LINGO2: variants seen among roughly 807,000 people sequenced by gnomAD.
The protein encoded by LINGO2 is leucine-rich repeat and immunoglobulin-like domain-containing nogo receptor-interacting protein 2.
In LINGO2, 14 loss-of-function variants were observed where a neutral mutation model predicts 30.6. The ratio of observed to expected loss-of-function variants is 0.46; its 90% confidence interval spans 0.30 to 0.72. LINGO2 has a LOEUF of 0.72. LINGO2 is among the 30% of genes least tolerant of loss of function. The probability of loss-of-function intolerance (pLI) is 0.07; values close to 1 mark genes in which losing one functional copy is unlikely to be tolerated. For missense variants in LINGO2, 729 were observed against 751.7 expected (o/e 0.97, Z 0.35); for synonymous variants, 317 against 288.5 (o/e 1.10, Z -1.00).
At chr9:28,900,000 C>T in the LINGO2 span, among the ~76,000 whole-genome samples, 19 of 152,294 alleles carry the variant, frequency 1.2e-4, no homozygotes, top group African/African-American at 3.8e-4. Context: ...AGGTCAGCCC[C>T]GCAGCTCCAG....
rs386414751 is a variant in LINGO2, at chr9:28,397,543, C to CTTTTT, written c.-278-24680_-278-24676dup. On this transcript the variant is annotated intron_variant, in intron 2 of 5. Coordinates refer to ENST00000379992, the Ensembl canonical transcript of LINGO2. ...CAATACCATGCTGTACAATAGATGTCTTTTTTTTTTTTTTTTTTTTTTGAG... is the reference window on the plus strand; with the variant it reads ...CAATACCATGCTGTACAATAGATGTCTTTTTTTTTTTTTTTTTTTTTTTTTTTGAG... Among the ~76,000 whole-genome samples the CTTTTT allele has an allele frequency of 7.8e-3, 858 of 110,008 alleles. 47 individuals are homozygous for CTTTTT. The highest frequency in any genetic ancestry group is 0.068 in the East Asian group (202 of 2,978). 72.2% of individuals were successfully genotyped at this position (110,008 alleles called of 152,430 possible).
chr9:29,142,462 C>G, the LINGO2 span, among the ~76,000 whole-genome samples: 1 of 151,430 alleles, frequency 6.6e-6, no homozygotes, highest in African/African-American at 2.4e-5. Context: ...AAGAAGAACC[C>G]TAAATAAACA....
At chr9:28,837,681 T>TATATATA in the LINGO2 span, among the ~76,000 whole-genome samples, 44 of 130,754 alleles carry the variant, frequency 3.4e-4, no homozygotes, top group Middle Eastern at 4.1e-3. Context: ...TATATATATA[T>TATATATA]TTAGGATAAC....
chr9:28,658,925 C>A (rs894399439), intron 1 of LINGO2, among the ~76,000 whole-genome samples: 5 of 151,980 alleles, frequency 3.3e-5, no homozygotes, highest in African/African-American at 1.2e-4. Context: ...AGATATAATG[C>A]CTCAAATTTT....
chr9:28,259,283 T>C (rs1822486113), intron 4 of LINGO2, among the ~76,000 whole-genome samples: 1 of 152,034 alleles, frequency 6.6e-6, no homozygotes, highest in Non-Finnish European at 1.5e-5. Context: ...AGAATTAACC[T>C]GCTTAAATGA....
At chr9:28,051,486 A>G (rs996638083) in intron 4 of LINGO2, among the ~76,000 whole-genome samples, 15 of 151,972 alleles carry the variant, frequency 9.9e-5, no homozygotes, top group Non-Finnish European at 1.9e-4. Flanking sequence ...GGTATTTTGC[A>G]TATATTTATC....
At position 28,620,239 on chromosome 9, in the gene LINGO2, G is replaced by A. The variant is rs1043571510; in HGVS notation, c.-365+49961C>T. Among the ~76,000 whole-genome samples the A allele has an allele frequency of 5.2e-4, 79 of 152,138 alleles. 2 individuals carry two copies. The highest frequency in any genetic ancestry group is 1.6e-3 in the African/African-American group (68 of 41,542). On this transcript the variant is annotated intron_variant, in intron 1 of 5. Coordinates refer to ENST00000379992, the Ensembl canonical transcript of LINGO2. ...GATAGATGACTAGGACTCAAATACC[G>A]GAAAAGAGAGGTAAGTAAACTGTGT...
At chr9:28,839,689 G>A in the LINGO2 span, among the ~76,000 whole-genome samples, 1 of 152,242 alleles carries the variant, frequency 6.6e-6, no homozygotes, top group African/African-American at 2.4e-5. Context: ...TGGCCCATGG[G>A]CAGCCATGGG....
chr9:28,359,136 A>C (rs796783375), intron 3 of LINGO2, among the ~76,000 whole-genome samples: 35 of 152,288 alleles, frequency 2.3e-4, no homozygotes, highest in African/African-American at 7.9e-4. Context: ...CAAAGAGGAC[A>C]TCTGTACCTC....
At chr9:29,112,063 T>C in the LINGO2 span, among the ~76,000 whole-genome samples, 1 of 151,668 alleles carries the variant, frequency 6.6e-6, no homozygotes, top group Non-Finnish European at 1.5e-5. Context: ...ACATATGATA[T>C]ATAATATGTA....
intron 1 of LINGO2, among the ~76,000 whole-genome samples, chr9:28,650,649 G>A (rs1828054772): frequency 6.6e-6 from 1 of 152,018 alleles, no homozygotes; most frequent in South Asian, 2.1e-4. Context: ...CTATTTCATT[G>A]ACATTTCCTC....
At chr9:29,069,622 G>C in the LINGO2 span, among the ~76,000 whole-genome samples, 1 of 151,970 alleles carries the variant, frequency 6.6e-6, no homozygotes. Flanking sequence ...TATGCTATCT[G>C]ATTTCAGCTC....
intron 3 of LINGO2, among the ~76,000 whole-genome samples, chr9:28,310,859 C>T (rs752141665): frequency 5.3e-5 from 8 of 152,070 alleles, no homozygotes; most frequent in Non-Finnish European, 1.0e-4. Context: ...CCAATCTGAT[C>T]GAGAACAAAA....
At chr9:29,107,477 T>C in the LINGO2 span, among the ~76,000 whole-genome samples, 1 of 152,158 alleles carries the variant, frequency 6.6e-6, no homozygotes, top group Admixed American at 6.5e-5. Context: ...TTTCTCTTCC[T>C]GTTTTCTCCA....
intron 4 of LINGO2, among the ~76,000 whole-genome samples, chr9:28,278,492 G>A (rs1188253839): frequency 6.6e-6 from 1 of 152,100 alleles, no homozygotes; most frequent in African/African-American, 2.4e-5. Flanking sequence ...TGAAGCCAAT[G>A]CTCCTTTACC....
At chr9:28,578,423 T>G (rs1360578910) in intron 1 of LINGO2, among the ~76,000 whole-genome samples, 1 of 152,192 alleles carries the variant, frequency 6.6e-6, no homozygotes, top group Non-Finnish European at 1.5e-5. Flanking sequence ...AATTTCAGAC[T>G]ATGCGCATTG....
chr9:27,947,203 A>C (rs1823398802), downstream of LINGO2, among the ~76,000 whole-genome samples: 1 of 152,204 alleles, frequency 6.6e-6, no homozygotes. Flanking sequence ...TTCTCAGATC[A>C]CATAACCATA....
At chr9:28,211,624 T>G (rs775706606) in intron 4 of LINGO2, among the ~76,000 whole-genome samples, 3 of 151,518 alleles carry the variant, frequency 2.0e-5, no homozygotes, top group African/African-American at 7.2e-5. Context: ...GCAAACTTTT[T>G]CTTGCATTTC....
intron 4 of LINGO2, among the ~76,000 whole-genome samples, chr9:28,253,378 G>A (rs942517461): frequency 2.6e-5 from 4 of 152,132 alleles, no homozygotes; most frequent in Admixed American, 2.0e-4. Context: ...CCCTTGACTT[G>A]TGGATGTTAA....
Sources: gnomAD v4.1 joint callset for allele counts (sites outside exome capture counted in the v4.1 genomes callset) on GRCh38, gnomAD v4.1.1 for gene constraint, MANE v1.5 for transcripts, NCBI Gene and HGNC (gene_info 2026-07-23, HGNC 2026-07-21) for gene names.